Variants in NDUFAF7 observed in about 807,000 individuals in gnomAD.
NDUFAF7 encodes the protein protein arginine methyltransferase NDUFAF7, mitochondrial.
In NDUFAF7, 48 loss-of-function variants were observed where a neutral mutation model predicts 47.2. That is an observed-to-expected ratio of 1.02 (90% confidence interval 0.81 to 1.29). The LOEUF (loss-of-function observed/expected upper bound fraction) is 1.29. Ranked by LOEUF, NDUFAF7 falls within the 50% of genes most tolerant of loss-of-function variation. The probability of loss-of-function intolerance (pLI) is 0.00; values close to 1 mark genes in which losing one functional copy is unlikely to be tolerated. For synonymous variants in NDUFAF7, 217 were observed against 190.0 expected (o/e 1.14, Z -1.17); for missense variants, 635 against 537.6 (o/e 1.18, Z -1.79).
chr2:37,259,520 T>C, the NDUFAF7 span: 1 of 1,326,050 alleles, frequency 7.5e-7, no homozygotes, highest in Non-Finnish European at 1.1e-6. Flanking sequence ...CACTGCCTTT[T>C]ATTATGTGGG....
chr2:37,250,277 AGATGAG>A (rs1667376958), downstream of NDUFAF7, among the ~76,000 whole-genome samples: 1 of 152,166 alleles, frequency 6.6e-6, no homozygotes, highest in Non-Finnish European at 1.5e-5. Flanking sequence ...AATTTTTGAA[AGATGAG>A]TTAAACGTCC....
intron 7 of NDUFAF7, among the ~76,000 whole-genome samples, chr2:37,244,543 C>G (rs1409447924): frequency 1.3e-5 from 2 of 150,790 alleles, no homozygotes; most frequent in South Asian, 2.1e-4. Flanking sequence ...ATTGCAAGAG[C>G]CTGTCTATTG....
chr2:37,271,227 T>A, the NDUFAF7 span, among the ~76,000 whole-genome samples: 1 of 152,132 alleles, frequency 6.6e-6, no homozygotes, highest in Non-Finnish European at 1.5e-5. Context: ...TTTTCTAGCC[T>A]GTTTTCTCTC....
chr2:37,247,769 T>C, intron 9 of NDUFAF7, 140 bp downstream of exon 9: 1 of 1,016,296 alleles, frequency 9.8e-7, no homozygotes, highest in Non-Finnish European at 1.5e-6. Flanking sequence ...TAGTATAGGA[T>C]TTAGTAACTA....
chr2:37,267,184 A>C, the NDUFAF7 span, among the ~76,000 whole-genome samples: 1 of 152,204 alleles, frequency 6.6e-6, no homozygotes, highest in Admixed American at 6.5e-5. Context: ...AATGTGGCAA[A>C]GTATCCTAAG....
intron 3 of NDUFAF7, among the ~76,000 whole-genome samples, chr2:37,237,277 C>A (rs1665896072): frequency 6.6e-6 from 1 of 152,194 alleles, no homozygotes; most frequent in South Asian, 2.1e-4. Context: ...GCCAAGTCTT[C>A]CTTTAATAAA....
In NDUFAF7 at chr2:37,246,169, G is replaced by A; in HGVS notation, c.910G>A (p.Asp304Asn). 1.9e-6 allele frequency: 3 copies of A among 1,613,836 alleles called. No individual in the cohort carries two copies. The highest frequency in any genetic ancestry group is 2.5e-6 in the Non-Finnish European group (3 of 1,179,818). ...GAALVADYGH[D>N]GTKTDTFRGF... ...TGCACTGGTTGCTGATTATGGTCATGATGGAACAAAGACAGATACCTTCAG... is the reference window on the plus strand; with the variant it reads ...TGCACTGGTTGCTGATTATGGTCATAATGGAACAAAGACAGATACCTTCAG... The change falls in exon 8 of 10, where the codon GAT (aspartate) becomes AAT (asparagine). Residue 304 changes from aspartate (D) to asparagine (N), a missense_variant. Physicochemically the swap from Asp to Asn is conservative, Grantham distance 23. Coordinates refer to ENST00000002125, the MANE Select transcript of NDUFAF7 (RefSeq NM_144736.5).
In NDUFAF7 at chr2:37,241,693, C is replaced by T. The variant is rs753921023; in HGVS notation, c.524C>T (p.Pro175Leu). 28 of 1,613,694 alleles carry T rather than the reference C, an allele frequency of 1.7e-5. No homozygotes were observed. The highest frequency in any genetic ancestry group is 1.0e-4 in the Admixed American group (6 of 59,950). Residue 175 changes from proline to leucine, a missense_variant, in exon 5 of 10, where the codon CCG becomes CTG. Pro to Leu is a moderately conservative substitution (Grantham distance 98). Transcript: ENST00000002125. Reference protein sequence around the residue: ...QALTLTKEKVPLERNAGSPVY... With the variant: ...QALTLTKEKVLLERNAGSPVY... ...TTGACACTGACTAAAGAGAAGGTCC[C>T]GTTAGAGCGAAATGCTGGATCCCCA...
At chr2:37,262,638 G>A in the NDUFAF7 span, among the ~76,000 whole-genome samples, 12 of 152,176 alleles carry the variant, frequency 7.9e-5, no homozygotes, top group Non-Finnish European at 1.5e-4. Context: ...AGGTTGAAAT[G>A]TGACTGTTTT....
At chr2:37,246,251 C>G in intron 8 of NDUFAF7, 56 bp downstream of exon 8, 1 of 1,587,206 alleles carries the variant, frequency 6.3e-7, no homozygotes, top group Non-Finnish European at 8.6e-7. Flanking sequence ...ATCTGAAGCC[C>G]ATTGAAGAGC....
rs1667165815 is a variant in NDUFAF7 at position 37,248,533 on chromosome 2, A to C, written c.*183A>C. The C allele has an allele frequency of 2.3e-5, 15 of 651,490 alleles. No homozygotes were observed. In the South Asian group the frequency reaches 2.6e-4, roughly 11 times the overall value. The allele number at this position is 651,490 out of a possible 1,614,324, so 40.4% of individuals were successfully genotyped here. A position where few individuals can be genotyped will look rare whatever the true frequency, so the allele number is the denominator to read the frequency against. On this transcript the variant is annotated 3_prime_UTR_variant, in exon 10 of 10. Transcript: ENST00000002125. ...TTAGGGTTGTGACTGGCTTTGGTGC[A>C]AATGTGTGCTCAAGCTAATAAGTTA...
chr2:37,252,649 C>T (rs1191190437), downstream of NDUFAF7: 2 of 151,954 alleles, frequency 1.3e-5, no homozygotes, highest in Non-Finnish European at 2.9e-5. Flanking sequence ...CCCTTCAATG[C>T]CTCTATGGTT....
At chr2:37,253,466 G>GCGCTACA, downstream of NDUFAF7, 1 of 795,822 alleles carries the variant, frequency 1.3e-6, no homozygotes. Flanking sequence ...TAATTGACAG[G>GCGCTACA]CGCTACTCAT....
the NDUFAF7 span, among the ~76,000 whole-genome samples, chr2:37,265,628 C>G: frequency 6.6e-6 from 1 of 151,988 alleles, no homozygotes; most frequent in South Asian, 2.1e-4. Context: ...AGAAAAAGTA[C>G]TTAAGTATAA....
At chr2:37,254,298 A>G, downstream of NDUFAF7, 2 of 1,607,994 alleles carry the variant, frequency 1.2e-6, no homozygotes, top group African/African-American at 2.7e-5. Flanking sequence ...TGCTAAGGGA[A>G]AAGACAAAAC....
intron 6 of NDUFAF7, among the ~76,000 whole-genome samples, chr2:37,242,934 T>A (rs989049841): frequency 2.0e-5 from 3 of 152,084 alleles, no homozygotes; most frequent in Non-Finnish European, 4.4e-5. Context: ...AGTAAGGGAA[T>A]GAAAAATGGT....
chr2:37,260,508 CAAAAT>C, the NDUFAF7 span: 4 of 900,436 alleles, frequency 4.4e-6, no homozygotes, highest in South Asian at 1.6e-5. Context: ...ACAAAGCAAA[CAAAAT>C]AAAAATTACA....
At chr2:37,249,558 GACACAC>G (rs56374800), downstream of NDUFAF7, among the ~76,000 whole-genome samples, 2,926 of 128,338 alleles carry the variant, frequency 0.023, 89 homozygotes, top group African/African-American at 0.077. Flanking sequence ...GCCTGTGATA[GACACAC>G]ACACACACAC....
Position 37,246,151 on chromosome 2 carries a change from G to T in NDUFAF7, c.892G>T (p.Val298Phe). Reference protein sequence around the residue: ...RIALTGGAALVADYGHDGTKT... With the variant: ...RIALTGGAALFADYGHDGTKT... ...TGCATTAACTGGAGGTGCTGCACTGGTTGCTGATTATGGTCATGATGGAAC... is the reference window on the plus strand; with the variant it reads ...TGCATTAACTGGAGGTGCTGCACTGTTTGCTGATTATGGTCATGATGGAAC... Residue 298 changes from valine (V) to phenylalanine (F), a missense_variant, in exon 8 of 10, where the codon GTT becomes TTT. By Grantham distance (50) the Val-to-Phe change is conservative. Transcript: ENST00000002125. 2 of 1,613,904 alleles carry T rather than the reference G, an allele frequency of 1.2e-6. No individual in the cohort carries two copies. Among genetic ancestry groups the T allele is most frequent in the Non-Finnish European group, 1.7e-6 (2 of 1,179,858 alleles).
Sources: gnomAD v4.1 joint callset for allele counts (sites outside exome capture counted in the v4.1 genomes callset) on GRCh38, gnomAD v4.1.1 for gene constraint, MANE v1.5 for transcripts, NCBI Gene and HGNC (gene_info 2026-07-23, HGNC 2026-07-21) for gene names.